Variants in ICE2 observed in about 807,000 individuals in gnomAD.
ICE2 encodes interactor of little elongation complex ELL subunit 2.
ICE2 carries 87 observed loss-of-function variants against 105.4 expected under a neutral mutation model. The observed-to-expected ratio is 0.83, with a 90% CI of 0.69 to 0.99. The LOEUF (loss-of-function observed/expected upper bound fraction) is 0.99, where lower values mean the gene tolerates loss of function less well. Among genes scored for constraint, ICE2 ranks in the 50% least tolerant of loss-of-function variants. The probability of loss-of-function intolerance (pLI) is 0.00; values close to 1 mark genes in which losing one functional copy is unlikely to be tolerated. For missense variants in ICE2, 1,323 were observed against 1,146.7 expected (o/e 1.15, Z -2.22); for synonymous variants, 399 against 392.0 (o/e 1.02, Z -0.21).
rs2063263301 is a variant in ICE2 at position 60,423,095 on chromosome 15, G to A, written c.*539C>T. 1 of 152,378 alleles carries A rather than the reference G, an allele frequency of 6.6e-6. No individual in the cohort carries two copies. The highest frequency in any genetic ancestry group is 1.5e-5 in the Non-Finnish European group (1 of 68,000). The allele number at this position is 152,378 out of a possible 1,614,324, so 9.4% of individuals were successfully genotyped here. On this transcript the variant is annotated 3_prime_UTR_variant, in exon 16 of 16. Transcript: ENST00000261520. ...TCAGAGGCAGGGAGTTTTTATTTTT[G>A]GCTTCTGTAATGGAATTTCACCAAG...
At chr15:60,457,155 C>A (rs1168175163) in intron 5 of ICE2, among the ~76,000 whole-genome samples, 1 of 151,880 alleles carries the variant, frequency 6.6e-6, no homozygotes, top group African/African-American at 2.4e-5. Flanking sequence ...AAGAACATTC[C>A]CAAGCACAAT....
chr15:60,468,418 G>C lies in ICE2; in HGVS notation c.147-96C>G. On this transcript the variant is annotated intron_variant, in intron 3 of 15. Transcript: ENST00000261520. ...TCTCAATCACCAGGGAGAATATAGCGTGATTAACAGAGTAAACTCTGGATT... is the reference window on the plus strand; with the variant it reads ...TCTCAATCACCAGGGAGAATATAGCCTGATTAACAGAGTAAACTCTGGATT... The C allele has an allele frequency of 5.4e-6, 5 of 931,240 alleles. No homozygotes were observed. In the South Asian group the frequency reaches 6.7e-5, roughly 12 times the overall value. The allele number at this position is 931,240 out of a possible 1,614,324, so 57.7% of individuals were successfully genotyped here. A position where few individuals can be genotyped will look rare whatever the true frequency, so the allele number is the denominator to read the frequency against.
intron 14 of ICE2, among the ~76,000 whole-genome samples, chr15:60,430,816 CA>C (rs2063439978): frequency 6.6e-6 from 1 of 152,192 alleles, no homozygotes; most frequent in Non-Finnish European, 1.5e-5. Context: ...GGCAAATCAT[CA>C]GGGGGAAAAT....
chr15:60,477,067 C>T (rs1385627467), intron 2 of ICE2, among the ~76,000 whole-genome samples: 1 of 152,134 alleles, frequency 6.6e-6, no homozygotes, highest in African/African-American at 2.4e-5. Context: ...CATATTTGCT[C>T]CATACTCTTC....
chr15:60,458,760 G>A (rs1236369648), intron 5 of ICE2, among the ~76,000 whole-genome samples: 2 of 151,746 alleles, frequency 1.3e-5, no homozygotes, highest in African/African-American at 4.8e-5. Flanking sequence ...CACACACAAC[G>A]GGATATTAAT....
intron 12 of ICE2, among the ~76,000 whole-genome samples, chr15:60,436,754 G>T: frequency 6.8e-6 from 1 of 146,426 alleles, no homozygotes; most frequent in African/African-American, 2.5e-5. Flanking sequence ...AGTTACATTT[G>T]CATGGCGTTT....
intron 9 of ICE2, chr15:60,453,360 C>T (rs1461870495): frequency 2.5e-5 from 32 of 1,280,872 alleles, no homozygotes; most frequent in Non-Finnish European, 2.9e-5. Flanking sequence ...AAATATCAAA[C>T]TTAACCCTCA....
intron 6 of ICE2, among the ~76,000 whole-genome samples, chr15:60,455,740 C>T (rs2064090676): frequency 6.6e-6 from 1 of 151,996 alleles, no homozygotes; most frequent in Admixed American, 6.5e-5. Flanking sequence ...ACTTCAGCCT[C>T]ACGAATAGCT....
At chr15:60,427,739 C>T (rs1034341327) in intron 15 of ICE2, among the ~76,000 whole-genome samples, 1 of 152,144 alleles carries the variant, frequency 6.6e-6, no homozygotes, top group Admixed American at 6.5e-5. Flanking sequence ...TTTCTAACAA[C>T]TAAACTCGAA....
At chr15:60,476,898 A>C (rs2064777384) in intron 2 of ICE2, among the ~76,000 whole-genome samples, 1 of 152,216 alleles carries the variant, frequency 6.6e-6, no homozygotes, top group Admixed American at 6.5e-5. Flanking sequence ...AAAGGTTCTA[A>C]ACCACAACTA....
At chr15:60,445,402 T>C (rs950983951) in intron 11 of ICE2, 1 of 215,134 alleles carries the variant, frequency 4.6e-6, no homozygotes, top group African/African-American at 2.3e-5. Flanking sequence ...GGATAAAATA[T>C]TTTGGACAAA....
In ICE2 at chr15:60,421,437, A is replaced by G. The variant is rs921554974; in HGVS notation, c.*2197T>C. ...AATCAAGAAAAAGAACATAAAGCAT[A>G]TCAAATGTATGTTAAAAAAGGAGGC... is the stretch of plus-strand genomic sequence containing the variant. On this transcript the variant is annotated 3_prime_UTR_variant, in exon 16 of 16. Transcript: ENST00000261520. 3 of 152,224 alleles carry G rather than the reference A, an allele frequency of 2.0e-5. No homozygotes were observed. Among genetic ancestry groups the G allele is most frequent in the African/African-American group, 7.2e-5 (3 of 41,458 alleles). The allele number at this position is 152,224 out of a possible 1,614,324, so 9.4% of individuals were successfully genotyped here.
intron 5 of ICE2, among the ~76,000 whole-genome samples, chr15:60,457,364 T>C (rs1047025526): frequency 2.0e-5 from 3 of 152,182 alleles, no homozygotes; most frequent in African/African-American, 4.8e-5. Context: ...GAATAATATG[T>C]GCCACTTCTG....
At chr15:60,456,841 T>C (rs746962316) in intron 5 of ICE2, 47 bp from the exon 6 acceptor site, 2 of 1,272,368 alleles carry the variant, frequency 1.6e-6, no homozygotes, top group Non-Finnish European at 2.1e-6. Context: ...TCTCTAATAA[T>C]GCAAAAAGAA....
intron 12 of ICE2, chr15:60,438,257 AT>A (rs1159970402): frequency 6.6e-6 from 1 of 152,138 alleles, no homozygotes; most frequent in African/African-American, 2.4e-5. Flanking sequence ...AATTGTTTTT[AT>A]TTTTTTAACT....
chr15:60,468,135 A>G lies in ICE2; in HGVS notation c.334T>C (p.Leu112=), dbSNP rs773604783. The change falls in exon 4 of 16, where the codon TTG becomes CTG. Residue 112 remains leucine, a synonymous_variant. Coordinates refer to ENST00000261520, the MANE Select transcript of ICE2 (RefSeq NM_024611.6). Reference sequence around the variant, plus strand: ...GCAGGAATCTTTGCGTATTTAACCAACAAGTCCACATAACTCCTCTGCTCT... The same window carrying G: ...GCAGGAATCTTTGCGTATTTAACCAGCAAGTCCACATAACTCCTCTGCTCT... ...QREQRSYVDL[L]VKYAKIPANS... is the part of the protein sequence containing the mutation. 9.9e-6 allele frequency: 16 copies of G among 1,613,938 alleles called. No homozygotes were observed. The highest frequency in any genetic ancestry group is 1.3e-5 in the Non-Finnish European group (15 of 1,179,974).
At chr15:60,442,381 T>C (rs573443076) in intron 12 of ICE2, 35 bp downstream of exon 12, 1 of 1,552,076 alleles carries the variant, frequency 6.4e-7, no homozygotes, top group East Asian at 2.3e-5. Flanking sequence ...TACAAGAAAA[T>C]TAAAAAGGAG....
chr15:60,443,768 T>A (rs1204689519), intron 11 of ICE2, among the ~76,000 whole-genome samples: 1 of 152,144 alleles, frequency 6.6e-6, no homozygotes, highest in Non-Finnish European at 1.5e-5. Context: ...TAGTCTCTCA[T>A]AACTTCAGAG....
At chr15:60,468,886 T>C (rs1050839851) in intron 3 of ICE2, among the ~76,000 whole-genome samples, 10 of 152,216 alleles carry the variant, frequency 6.6e-5, no homozygotes, top group African/African-American at 2.4e-4. Context: ...AGTTGTACAA[T>C]CCTCTATCAC....
Sources: gnomAD v4.1 joint callset for allele counts (sites outside exome capture counted in the v4.1 genomes callset) on GRCh38, gnomAD v4.1.1 for gene constraint, MANE v1.5 for transcripts, NCBI Gene and HGNC (gene_info 2026-07-23, HGNC 2026-07-21) for gene names.